Variants in MACROD2 observed in about 807,000 individuals in gnomAD.
MACROD2 encodes the protein mono-ADP ribosylhydrolase 2.
A neutral mutation model predicts 70.4 loss-of-function variants in MACROD2; 36 were observed. The observed-to-expected ratio is 0.51, with a 90% confidence interval of 0.39 to 0.68. MACROD2 has a LOEUF of 0.68. MACROD2 is among the 30% of genes least tolerant of loss of function. The pLI is 0.00. For synonymous variants in MACROD2, 172 were observed against 178.8 expected, an observed-to-expected ratio of 0.96 and a Z score of 0.30; for missense variants, 496 against 538.4, an observed-to-expected ratio of 0.92 and a Z score of 0.78.
chr20:14,218,989 G>A (rs989323652), intron 3 of MACROD2, among the ~76,000 whole-genome samples: 2 of 152,164 alleles, frequency 1.3e-5, no homozygotes, highest in African/African-American at 4.8e-5. Context: ...CTTAACATTG[G>A]ATAACCTGAT....
At chr20:15,244,397 C>A (rs1010710962) in intron 6 of MACROD2, among the ~76,000 whole-genome samples, 2 of 152,164 alleles carry the variant, frequency 1.3e-5, no homozygotes, top group African/African-American at 4.8e-5. Flanking sequence ...AAAGCAAAAT[C>A]TGCTAATTTC....
At chr20:15,775,748 G>T (rs1471971583) in intron 8 of MACROD2, among the ~76,000 whole-genome samples, 1 of 152,148 alleles carries the variant, frequency 6.6e-6, no homozygotes, top group Non-Finnish European at 1.5e-5. Context: ...ATATCCTGAA[G>T]AAATCAAATA....
chr20:15,232,075 C>T (rs2076963903), intron 6 of MACROD2, among the ~76,000 whole-genome samples: 1 of 152,068 alleles, frequency 6.6e-6, no homozygotes, highest in African/African-American at 2.4e-5. Context: ...TCCTTCCCTT[C>T]CTTCCTTTCT....
intron 3 of MACROD2, among the ~76,000 whole-genome samples, chr20:14,192,766 A>G (rs2081399022): frequency 6.6e-6 from 1 of 152,120 alleles, no homozygotes; most frequent in South Asian, 2.1e-4. Context: ...TAGCCTTCAC[A>G]GGGGGATTGA....
chr20:15,493,800 T>C (rs373986784), intron 7 of MACROD2, among the ~76,000 whole-genome samples: 2 of 152,320 alleles, frequency 1.3e-5, no homozygotes, highest in African/African-American at 4.8e-5. Flanking sequence ...AGACATGGGG[T>C]AGAATCTTCA....
intron 8 of MACROD2, among the ~76,000 whole-genome samples, chr20:15,845,454 G>A (rs773759020): frequency 4.0e-4 from 61 of 152,118 alleles, no homozygotes; most frequent in African/African-American, 7.7e-4. Context: ...TGTAGAAGAC[G>A]TAGTGCCTTT....
chr20:15,920,080 A>G (rs1175988047), intron 10 of MACROD2, among the ~76,000 whole-genome samples: 1 of 152,236 alleles, frequency 6.6e-6, no homozygotes, highest in Non-Finnish European at 1.5e-5. Context: ...ATTACTAAAT[A>G]AAAGTAATTT....
intron 3 of MACROD2, among the ~76,000 whole-genome samples, chr20:14,093,403 T>C (rs953954540): frequency 1.3e-5 from 2 of 152,066 alleles, no homozygotes; most frequent in Non-Finnish European, 2.9e-5. Context: ...TTGATTCTGG[T>C]TTTAAATAAA....
chr20:14,005,373 A>G (rs775010927), intron 2 of MACROD2, among the ~76,000 whole-genome samples: 1 of 152,144 alleles, frequency 6.6e-6, no homozygotes, highest in Non-Finnish European at 1.5e-5. Flanking sequence ...GTTGTTAGCT[A>G]ATTTCTAGAC....
chr20:14,686,591 A>G (rs1046435865), intron 5 of MACROD2, among the ~76,000 whole-genome samples: 1 of 152,120 alleles, frequency 6.6e-6, no homozygotes, highest in Non-Finnish European at 1.5e-5. Context: ...TTGTGTTACA[A>G]TTATTTGCAG....
rs144928213 is a variant in MACROD2 at position 15,783,204 on chromosome 20, G to A, written c.646-79541G>A. Reference sequence around the variant, plus strand: ...TATTTGCATAAAAATTGTTTGTCTCGATTCTCCTTGAGACCTGGGCAGCTT... The same window carrying A: ...TATTTGCATAAAAATTGTTTGTCTCAATTCTCCTTGAGACCTGGGCAGCTT... On this transcript the variant is annotated intron_variant, in intron 8 of 17. Coordinates refer to ENST00000684519, the MANE Select transcript of MACROD2 (RefSeq NM_001351661.2). 1.4e-3 allele frequency among the ~76,000 whole-genome samples: 215 copies of A among 152,084 alleles called. 2 individuals carry two copies. The highest frequency in any genetic ancestry group is 4.9e-3 in the African/African-American group (205 of 41,516).
intron 5 of MACROD2, among the ~76,000 whole-genome samples, chr20:15,031,468 G>C (rs1429546233): frequency 2.6e-5 from 4 of 152,180 alleles, no homozygotes; most frequent in African/African-American, 9.7e-5. Flanking sequence ...AAATGGAGAG[G>C]CTCTTCCTTG....
chr20:14,273,209 C>A (rs9753630), intron 3 of MACROD2, among the ~76,000 whole-genome samples: 1 of 152,122 alleles, frequency 6.6e-6, no homozygotes, highest in African/African-American at 2.4e-5. Context: ...CAGCACCACA[C>A]CACATGTATT....
At chr20:14,402,399 A>G (rs1235571963) in intron 3 of MACROD2, among the ~76,000 whole-genome samples, 3 of 152,132 alleles carry the variant, frequency 2.0e-5, no homozygotes, top group Admixed American at 6.6e-5. Context: ...ATCTTTATAA[A>G]CACATTGCTC....
chr20:15,741,575 T>C (rs1348505420), intron 8 of MACROD2, among the ~76,000 whole-genome samples: 1 of 152,058 alleles, frequency 6.6e-6, no homozygotes, highest in African/African-American at 2.4e-5. Context: ...CTCACCTCCT[T>C]CACATCTTTG....
intron 8 of MACROD2, among the ~76,000 whole-genome samples, chr20:15,840,909 C>T (rs2064163223): frequency 6.6e-6 from 1 of 152,076 alleles, no homozygotes; most frequent in Admixed American, 6.6e-5. Flanking sequence ...TGTTTTTGTC[C>T]TTATGAAGAA....
At chr20:16,010,612 A>G (rs1451458074) in intron 15 of MACROD2, among the ~76,000 whole-genome samples, 1 of 152,172 alleles carries the variant, frequency 6.6e-6, no homozygotes, top group Admixed American at 6.5e-5. Context: ...GTGTTCAGCC[A>G]CGAGGTTTCT....
chr20:14,227,578 C>T (rs2042025057), intron 3 of MACROD2, among the ~76,000 whole-genome samples: 1 of 152,178 alleles, frequency 6.6e-6, no homozygotes, highest in African/African-American at 2.4e-5. Context: ...AAACTCCGAA[C>T]GCATCTGAAC....
At chr20:14,537,392 A>G (rs1315872232) in intron 4 of MACROD2, among the ~76,000 whole-genome samples, 1 of 152,172 alleles carries the variant, frequency 6.6e-6, no homozygotes, top group African/African-American at 2.4e-5. Flanking sequence ...ATAGCCTCAG[A>G]ATTGTCTACA....
Sources: gnomAD v4.1 joint callset for allele counts (sites outside exome capture counted in the v4.1 genomes callset) on GRCh38, gnomAD v4.1.1 for gene constraint, MANE v1.5 for transcripts, NCBI Gene and HGNC (gene_info 2026-07-23, HGNC 2026-07-21) for gene names.